Variants in DNM3 observed in about 807,000 individuals in gnomAD.
The protein encoded by DNM3 is dynamin-3.
In DNM3, 47 loss-of-function variants were observed where a neutral mutation model predicts 101.6. The ratio of observed to expected loss-of-function variants is 0.46; its 90% CI spans 0.37 to 0.59. The LOEUF (loss-of-function observed/expected upper bound fraction) is 0.59. Among genes scored for constraint, DNM3 ranks in the 20% least tolerant of loss-of-function variants. The pLI is 0.00. For synonymous variants in DNM3, 385 were observed against 387.9 expected, an observed-to-expected ratio of 0.99 and a Z score of 0.09; for missense variants, 849 against 1,085.7, an observed-to-expected ratio of 0.78 and a Z score of 3.06.
chr1:171,853,719 G>A (rs1253641834), intron 1 of DNM3, among the ~76,000 whole-genome samples: 4 of 151,882 alleles, frequency 2.6e-5, no homozygotes, highest in Non-Finnish European at 4.4e-5. Flanking sequence ...TTCGCATGTG[G>A]GATAACTCTG....
chr1:172,344,868 A>T (rs1197491382), intron 17 of DNM3, among the ~76,000 whole-genome samples: 1 of 152,246 alleles, frequency 6.6e-6, no homozygotes, highest in East Asian at 1.9e-4. Context: ...TCCATTACCA[A>T]CATACATGTA....
intron 1 of DNM3, among the ~76,000 whole-genome samples, chr1:171,850,882 G>T (rs750025394): frequency 6.6e-6 from 1 of 151,930 alleles, no homozygotes; most frequent in Non-Finnish European, 1.5e-5. Context: ...GCTTTTGTGA[G>T]TGTCCACCAG....
chr1:172,089,924 G>C (rs1433000551), intron 12 of DNM3, among the ~76,000 whole-genome samples: 2 of 152,140 alleles, frequency 1.3e-5, no homozygotes, highest in African/African-American at 4.8e-5. Context: ...CTCTGTTTCT[G>C]TCTGTCTCCT....
At chr1:172,036,569 T>G (rs1485484893) in intron 6 of DNM3, among the ~76,000 whole-genome samples, 1 of 152,048 alleles carries the variant, frequency 6.6e-6, no homozygotes, top group African/African-American at 2.4e-5. Context: ...TAATAAATGG[T>G]GCTGGGAAAA....
chr1:172,377,808 A>G (rs2068689654), intron 17 of DNM3, among the ~76,000 whole-genome samples: 1 of 151,814 alleles, frequency 6.6e-6, no homozygotes, highest in Non-Finnish European at 1.5e-5. Flanking sequence ...TGTTTTTTAG[A>G]ACAATAGACA....
intron 14 of DNM3, among the ~76,000 whole-genome samples, chr1:172,193,893 C>T (rs936635965): frequency 1.3e-5 from 2 of 151,924 alleles, no homozygotes; most frequent in African/African-American, 4.8e-5. Context: ...TATTTCTTGC[C>T]TTTTGCTAGC....
chr1:172,385,888 C>T (rs532015891), intron 18 of DNM3, among the ~76,000 whole-genome samples: 1 of 152,298 alleles, frequency 6.6e-6, no homozygotes, highest in South Asian at 2.1e-4. Flanking sequence ...AATTGCTGCA[C>T]TACTGTAAAA....
chr1:171,974,456 A>G (rs2044233525), intron 2 of DNM3, among the ~76,000 whole-genome samples: 1 of 152,070 alleles, frequency 6.6e-6, no homozygotes, highest in African/African-American at 2.4e-5. Context: ...CTCTCTTTTG[A>G]GGGTGGTTGT....
intron 14 of DNM3, among the ~76,000 whole-genome samples, chr1:172,180,712 T>C (rs1385127706): frequency 1.3e-5 from 2 of 152,072 alleles, no homozygotes; most frequent in Non-Finnish European, 2.9e-5. Context: ...TGTGTTTCTG[T>C]AGAGGGTTAG....
chr1:171,844,844 T>C (rs887088289), intron 1 of DNM3, among the ~76,000 whole-genome samples: 1 of 152,204 alleles, frequency 6.6e-6, no homozygotes, highest in Non-Finnish European at 1.5e-5. Flanking sequence ...TACAGAAGAA[T>C]TGAATTTATT....
rs142559836 is a variant in DNM3 at position 172,140,798 on chromosome 1, CACTT to C, written c.1659+9513_1659+9516del. 4.2e-3 allele frequency among the ~76,000 whole-genome samples: 635 copies of C among 152,074 alleles called. 3 individuals carry two copies. The highest frequency in any genetic ancestry group is 0.015 in the African/African-American group (613 of 41,530). ...ATGTTTCTGATAGATTTTTAAAACACACTTACAGTAACTATGTGACATATGCACA... is the reference window on the plus strand; with the variant it reads ...ATGTTTCTGATAGATTTTTAAAACACACAGTAACTATGTGACATATGCACA... On this transcript the variant is annotated intron_variant, in intron 14 of 20. Coordinates refer to ENST00000627582, the MANE Select transcript of DNM3 (RefSeq NM_015569.5).
intron 14 of DNM3, among the ~76,000 whole-genome samples, chr1:172,207,371 T>TC (rs1395660837): frequency 2.0e-5 from 3 of 152,154 alleles, no homozygotes; most frequent in Non-Finnish European, 4.4e-5. Context: ...TTTAGGTAAC[T>TC]CCACCCTAAC....
At position 171,841,815 on chromosome 1, in the gene DNM3, C is replaced by A; in HGVS notation, c.159C>A (p.Gly53=). ...GKSSVLENFV[G]RDFLPRGSGI... is the part of the protein sequence containing the mutation. ...GCTCGGTGCTCGAGAACTTCGTGGGCAGGTAAGCGCGCAGGGCGCGGAGTA... is the reference window on the plus strand; with the variant it reads ...GCTCGGTGCTCGAGAACTTCGTGGGAAGGTAAGCGCGCAGGGCGCGGAGTA... The change falls in exon 1 of 21, where the codon GGC becomes GGA. Residue 53 remains glycine, a splice_region_variant and synonymous_variant. Transcript: ENST00000627582. The A allele has an allele frequency of 1.2e-6, 2 of 1,607,818 alleles. No homozygotes were observed. Among genetic ancestry groups the A allele is most frequent in the Non-Finnish European group, 1.7e-6 (2 of 1,178,644 alleles).
intron 14 of DNM3, among the ~76,000 whole-genome samples, chr1:172,225,751 C>T (rs2061093693): frequency 6.6e-6 from 1 of 151,586 alleles, no homozygotes; most frequent in African/African-American, 2.4e-5. Flanking sequence ...GACCCTGTCC[C>T]AAAAAATAAA....
intron 13 of DNM3, among the ~76,000 whole-genome samples, chr1:172,112,242 G>A (rs866126314): frequency 6.6e-6 from 1 of 152,140 alleles, no homozygotes; most frequent in African/African-American, 2.4e-5. Context: ...TCTTCACAAC[G>A]ACCTTATGGT....
intron 15 of DNM3, among the ~76,000 whole-genome samples, chr1:172,301,860 T>C (rs934617109): frequency 6.6e-6 from 1 of 152,024 alleles, no homozygotes; most frequent in Non-Finnish European, 1.5e-5. Flanking sequence ...ACCTCAACTA[T>C]CTGAAAAATA....
chr1:172,371,870 AT>A (rs1173925370), intron 17 of DNM3, among the ~76,000 whole-genome samples: 30 of 145,796 alleles, frequency 2.1e-4, no homozygotes, highest in African/African-American at 6.3e-4. Flanking sequence ...TTTTATTTTT[AT>A]TTTTTATTTT....
intron 16 of DNM3, among the ~76,000 whole-genome samples, chr1:172,312,768 A>G (rs2065135872): frequency 6.6e-6 from 1 of 152,248 alleles, no homozygotes; most frequent in Non-Finnish European, 1.5e-5. Context: ...TGCTAAGCCT[A>G]GTGAAAGAGA....
intron 14 of DNM3, among the ~76,000 whole-genome samples, chr1:172,164,211 C>G (rs1202352946): frequency 6.8e-6 from 1 of 147,722 alleles, no homozygotes; most frequent in African/African-American, 2.5e-5. Context: ...TTCCTTTTCT[C>G]TCTCTATTTT....
Sources: gnomAD v4.1 joint callset for allele counts (sites outside exome capture counted in the v4.1 genomes callset) on GRCh38, gnomAD v4.1.1 for gene constraint, MANE v1.5 for transcripts, NCBI Gene and HGNC (gene_info 2026-07-23, HGNC 2026-07-21) for gene names.